LY96: variants seen among roughly 807,000 people sequenced by gnomAD.
LY96 encodes the protein myeloid differentiation protein-2.
In LY96, 18 loss-of-function variants were observed where a neutral mutation model predicts 18.9. The ratio of observed to expected loss-of-function variants is 0.95; its 90% CI spans 0.66 to 1.41. LY96 has a LOEUF of 1.41. Ranked by LOEUF, LY96 falls within the 40% of genes most tolerant of loss-of-function variation. The pLI, the probability that LY96 is intolerant of heterozygous loss-of-function variation, is 0.00. For synonymous variants in LY96, 66 were observed against 62.6 expected (o/e 1.06, Z -0.26); for missense variants, 175 against 182.4 (o/e 0.96, Z 0.23).
the LY96 span, among the ~76,000 whole-genome samples, chr8:74,081,121 CT>C: frequency 0.013 from 1,777 of 138,796 alleles, 30 homozygotes; most frequent in Middle Eastern, 0.025. Context: ...TTCTTTCTTT[CT>C]TTCCTTCCTT....
At chr8:74,001,999 CTTCCTTTCTTCCTTCCT>C (rs1816286227) in intron 1 of LY96, among the ~76,000 whole-genome samples, 1 of 38,524 alleles carries the variant, frequency 2.6e-5, no homozygotes, top group African/African-American at 9.8e-5. Flanking sequence ...TCCCTCCTTT[CTTCCTTTCTTCCTTCCT>C]TCCTTCCTTC....
chr8:74,077,670 A>G, the LY96 span, among the ~76,000 whole-genome samples: 3 of 152,096 alleles, frequency 2.0e-5, no homozygotes, highest in Non-Finnish European at 4.4e-5. Flanking sequence ...AGATAAATAT[A>G]GAAAAATACG....
chr8:74,081,475 TC>T, the LY96 span, among the ~76,000 whole-genome samples: 1 of 151,604 alleles, frequency 6.6e-6, no homozygotes, highest in East Asian at 1.9e-4. Flanking sequence ...GCCCAACTGG[TC>T]TTGAGCTCCT....
At chr8:74,010,789 T>TA (rs1816514497) in intron 3 of LY96, among the ~76,000 whole-genome samples, 1 of 152,164 alleles carries the variant, frequency 6.6e-6, no homozygotes, top group Admixed American at 6.5e-5. Context: ...AGTGGCTTAG[T>TA]AATGTGTCCA....
chr8:73,999,022 A>G (rs1357428011), intron 1 of LY96, among the ~76,000 whole-genome samples: 11 of 151,338 alleles, frequency 7.3e-5, no homozygotes, highest in Admixed American at 7.2e-4. Flanking sequence ...CCAGGCTGGA[A>G]TGCAGTGGCA....
the LY96 span, among the ~76,000 whole-genome samples, chr8:74,068,082 AAAAAAAAATAT>A: frequency 7.4e-6 from 1 of 135,620 alleles, no homozygotes; most frequent in Non-Finnish European, 1.5e-5. Context: ...AAAAAAAAAA[AAAAAAAAATAT>A]ATATATATAA....
At chr8:74,029,404 C>T (rs151235048), downstream of LY96, among the ~76,000 whole-genome samples, 315 of 152,274 alleles carry the variant, frequency 2.1e-3, no homozygotes, top group African/African-American at 7.4e-3. Context: ...ATAATCCCCA[C>T]ATGTCATGGG....
chr8:74,033,363 G>C (rs976530565), downstream of LY96, among the ~76,000 whole-genome samples: 49 of 152,292 alleles, frequency 3.2e-4, no homozygotes, highest in African/African-American at 1.0e-3. Context: ...AAAATCCAAA[G>C]ACAATGGTTA....
In LY96 at chr8:74,015,951, GA is replaced by G. The variant is rs533857354; in HGVS notation, c.331+5824del. Among the ~76,000 whole-genome samples the G allele has an allele frequency of 6.8e-4, 104 of 152,354 alleles. 1 individual carries two copies. Among genetic ancestry groups the G allele is most frequent in the African/African-American group, 2.2e-3 (91 of 41,582 alleles). On this transcript the variant is annotated intron_variant, in intron 3 of 4. Coordinates refer to ENST00000284818, the MANE Select transcript of LY96 (RefSeq NM_015364.5). ...TGCAGCTCCCAGCGTGATCGACACA[GA>G]AGACAGGTGTTTTCTGCATTTCCAA...
At chr8:74,072,753 G>C in the LY96 span, among the ~76,000 whole-genome samples, 1 of 152,112 alleles carries the variant, frequency 6.6e-6, no homozygotes, top group Non-Finnish European at 1.5e-5. Context: ...GGGTAAAAGA[G>C]GAAAAGCCTG....
At chr8:74,081,110 T>C in the LY96 span, among the ~76,000 whole-genome samples, 7 of 140,810 alleles carry the variant, frequency 5.0e-5, no homozygotes, top group African/African-American at 2.0e-4. Flanking sequence ...TCTTTCTTTC[T>C]TTCTTTCTTT....
intron 1 of LY96, among the ~76,000 whole-genome samples, chr8:73,995,491 G>A (rs1169696839): frequency 6.6e-6 from 1 of 152,120 alleles, no homozygotes; most frequent in Non-Finnish European, 1.5e-5. Flanking sequence ...CTCTTTAAAG[G>A]CACTGTCTCC....
the LY96 span, among the ~76,000 whole-genome samples, chr8:74,059,715 A>G: frequency 3.7e-4 from 56 of 152,392 alleles, no homozygotes; most frequent in African/African-American, 1.3e-3. Flanking sequence ...CTTCAAAACT[A>G]TTATAAGAAA....
chr8:74,052,041 G>T, the LY96 span, among the ~76,000 whole-genome samples: 1 of 151,920 alleles, frequency 6.6e-6, no homozygotes, highest in African/African-American at 2.4e-5. Context: ...GCAGCTGAAG[G>T]TGTAAAACAA....
At chr8:74,047,003 G>C in the LY96 span, among the ~76,000 whole-genome samples, 3 of 150,968 alleles carry the variant, frequency 2.0e-5, no homozygotes, top group African/African-American at 7.3e-5. Flanking sequence ...CTGGGTTCAA[G>C]CCATTATCCT....
chr8:74,021,191 C>T (rs1816750555), intron 3 of LY96, among the ~76,000 whole-genome samples: 1 of 152,140 alleles, frequency 6.6e-6, no homozygotes, highest in South Asian at 2.1e-4. Context: ...GGCTGATATC[C>T]AGAATCTACA....
chr8:74,098,147 T>G, the LY96 span, among the ~76,000 whole-genome samples: 48 of 152,192 alleles, frequency 3.2e-4, no homozygotes, highest in Non-Finnish European at 6.6e-4. Flanking sequence ...GAGTCAGAAA[T>G]GAGTAATTTC....
In LY96 at chr8:74,005,833, A is replaced by C. The variant is rs937371617; in HGVS notation, c.202+948A>C. On this transcript the variant is annotated intron_variant, in intron 2 of 4. Coordinates refer to ENST00000284818, the MANE Select transcript of LY96 (RefSeq NM_015364.5). ...GCCTGTAAGCTCTGGAATCCCAGAAAACTTTAGTTTTAATCTTTATCATCA... is the reference window on the plus strand; with the variant it reads ...GCCTGTAAGCTCTGGAATCCCAGAACACTTTAGTTTTAATCTTTATCATCA... 2.8e-4 allele frequency among the ~76,000 whole-genome samples: 42 copies of C among 152,228 alleles called. 1 individual carries two copies. The highest frequency in any genetic ancestry group is 9.9e-4 in the African/African-American group (41 of 41,460).
chr8:74,027,997 A>G (rs1816903807), intron 4 of LY96, among the ~76,000 whole-genome samples: 1 of 152,162 alleles, frequency 6.6e-6, no homozygotes. Context: ...ATAAAACTCG[A>G]TTGATCCTAA....
Sources: gnomAD v4.1 joint callset for allele counts (sites outside exome capture counted in the v4.1 genomes callset) on GRCh38, gnomAD v4.1.1 for gene constraint, MANE v1.5 for transcripts, NCBI Gene and HGNC (gene_info 2026-07-23, HGNC 2026-07-21) for gene names.